The following STK32C variants were observed in gnomAD, a reference collection of about 807,000 sequenced individuals.
The protein encoded by STK32C is serine/threonine-protein kinase 32C.
In STK32C, 31 loss-of-function variants were observed where a neutral mutation model predicts 56.5. The observed-to-expected ratio is 0.55, with a 90% CI of 0.41 to 0.74. STK32C has a LOEUF of 0.74. Among genes scored for constraint, STK32C ranks in the 30% least tolerant of loss-of-function variants. The probability of loss-of-function intolerance (pLI) is 0.00; values close to 1 mark genes in which losing one functional copy is unlikely to be tolerated. For synonymous variants in STK32C, 309 were observed against 289.4 expected, an observed-to-expected ratio of 1.07 and a Z score of -0.69; for missense variants, 544 against 676.9, an observed-to-expected ratio of 0.80 and a Z score of 2.18.
At chr10:132,310,439 G>A (rs1255357378), upstream of STK32C, among the ~76,000 whole-genome samples, 1 of 152,228 alleles carries the variant, frequency 6.6e-6, no homozygotes, top group South Asian at 2.1e-4. This position sits in a 1 kb window ranked among gnomAD's most constrained non-coding sequence, Gnocchi z 4.6. Flanking sequence ...AGCGTTAAGA[G>A]GTGCACAGTG....
intron 1 of STK32C, among the ~76,000 whole-genome samples, chr10:132,265,868 G>A (rs1168181508): frequency 6.6e-6 from 1 of 152,178 alleles, no homozygotes; most frequent in Non-Finnish European, 1.5e-5. Flanking sequence ...GCCTGGCAAG[G>A]ACACCGGGCA....
intron 1 of STK32C, among the ~76,000 whole-genome samples, chr10:132,300,603 T>A (rs1177243636): frequency 6.6e-6 from 1 of 152,282 alleles, no homozygotes; most frequent in African/African-American, 2.4e-5. Context: ...TGCTTATAGC[T>A]TTCCCCAAAC....
intron 2 of STK32C, among the ~76,000 whole-genome samples, chr10:132,230,667 G>C (rs981115628): frequency 7.8e-5 from 11 of 141,506 alleles, no homozygotes; most frequent in South Asian, 4.8e-4. Flanking sequence ...TTGCTGCTGG[G>C]GGGGAAGCTG....
At chr10:132,223,782 G>T (rs541776823) in intron 8 of STK32C, among the ~76,000 whole-genome samples, 1 of 152,178 alleles carries the variant, frequency 6.6e-6, no homozygotes. Flanking sequence ...TCCCTGTCCT[G>T]CCTGGGCCTG....
At chr10:132,271,884 G>A (rs553547442) in intron 1 of STK32C, among the ~76,000 whole-genome samples, 1 of 152,364 alleles carries the variant, frequency 6.6e-6, no homozygotes, top group Non-Finnish European at 1.5e-5. Context: ...TTCCCAGGCA[G>A]CACTGGGGCT....
intron 1 of STK32C, among the ~76,000 whole-genome samples, chr10:132,268,225 G>A (rs1166398262): frequency 2.3e-4 from 25 of 107,632 alleles, no homozygotes; most frequent in South Asian, 7.1e-4. Context: ...GTCCCACATC[G>A]TGTGTGTGTG....
Position 132,307,666 on chromosome 10 carries a change from G to A in STK32C, c.168C>T (p.Arg56=), listed in dbSNP as rs1415967844. ...TCCACTTGCTCCACTGAAACAGGGG[G>A]CGCGGCTGCGAGCGGACATCGCCCG... ...RDSGDVRSQP[R]PLFQWSKWKK... The change falls in exon 1 of 12, where the codon CGC becomes CGT. Residue 56 remains arginine (R), a synonymous_variant. Coordinates refer to ENST00000298630, the MANE Select transcript of STK32C (RefSeq NM_173575.4). The surrounding 1 kb of genome is among the most constrained non-coding windows in gnomAD (Gnocchi z 4.4). 16 of 1,534,760 alleles carry A rather than the reference G, an allele frequency of 1.0e-5. No individual in the cohort carries two copies. The highest frequency in any genetic ancestry group is 6.0e-5 in the Admixed American group (3 of 49,984).
chr10:132,291,838 A>G lies in STK32C; in HGVS notation c.262+15734T>C, dbSNP rs370491633. On this transcript the variant is annotated intron_variant, in intron 1 of 11. Transcript: ENST00000298630. ...GAAGGACACAGACCACATGGCCTCC[A>G]TGTCCACCTGTGTGCACAAGATGGC... Among the ~76,000 whole-genome samples the G allele has an allele frequency of 9.1e-4, 132 of 145,852 alleles. 1 individual carries two copies. Among genetic ancestry groups the G allele is most frequent in the African/African-American group, 3.1e-3 (123 of 39,352 alleles).
upstream of STK32C, among the ~76,000 whole-genome samples, chr10:132,309,506 C>T (rs2066180133): frequency 6.6e-6 from 1 of 152,240 alleles, no homozygotes; most frequent in South Asian, 2.1e-4. Flanking sequence ...CTCTCCCTGC[C>T]TGGCTAGCAC....
chr10:132,315,003 G>A (rs578241098), intron 1 of STK32C, among the ~76,000 whole-genome samples: 11 of 152,066 alleles, frequency 7.2e-5, no homozygotes, highest in South Asian at 2.1e-4. Flanking sequence ...GCGTGGTGGC[G>A]CATGTCTGTA....
intron 10 of STK32C, among the ~76,000 whole-genome samples, chr10:132,210,004 G>T (rs960711689): frequency 5.9e-5 from 9 of 152,172 alleles, no homozygotes; most frequent in Non-Finnish European, 1.3e-4. Flanking sequence ...GAGGGGACGT[G>T]TGAGTGGGTA....
chr10:132,307,603 C>T lies in STK32C; in HGVS notation c.231G>A (p.Ala77=). 6.5e-7 allele frequency: 1 copy of T among 1,528,926 alleles called. No homozygotes were observed. The highest frequency in any genetic ancestry group is 8.8e-7 in the Non-Finnish European group (1 of 1,136,782). The allele number at this position is 1,528,926 out of a possible 1,614,324, so 94.7% of individuals were successfully genotyped here. ...CCTTGTCGTCAAACACCGGCCTCCG[C>T]GCGGTGGCCGCCGACATGGACGAGC... ...RMGSSMSAAT[A]RRPVFDDKED... The change falls in exon 1 of 12, where the codon GCG becomes GCA. Residue 77 remains alanine, a synonymous_variant. Coordinates refer to ENST00000298630, the MANE Select transcript of STK32C (RefSeq NM_173575.4). The surrounding 1 kb of genome is among the most constrained non-coding windows in gnomAD (Gnocchi z 4.4).
chr10:132,260,799 C>A (rs2064277770), intron 1 of STK32C, among the ~76,000 whole-genome samples: 1 of 152,232 alleles, frequency 6.6e-6, no homozygotes, highest in African/African-American at 2.4e-5. Flanking sequence ...AGACAGGGCC[C>A]AGTTAAAGCC....
chr10:132,228,267 G>T, intron 2 of STK32C, 139 bp from the exon 3 acceptor site: 1 of 1,036,184 alleles, frequency 9.7e-7, no homozygotes, highest in Non-Finnish European at 1.5e-6. Flanking sequence ...CAGCCCCTCT[G>T]CCTCCTAGAC....
chr10:132,295,400 G>A (rs531199775), intron 1 of STK32C, among the ~76,000 whole-genome samples: 2 of 152,334 alleles, frequency 1.3e-5, no homozygotes, highest in East Asian at 1.9e-4. Context: ...GAGCAACAAC[G>A]AAAGCACCGA....
intron 1 of STK32C, among the ~76,000 whole-genome samples, chr10:132,304,769 C>T (rs1261504892): frequency 1.3e-5 from 2 of 152,270 alleles, no homozygotes; most frequent in African/African-American, 4.8e-5. Flanking sequence ...CTGGTGGCCC[C>T]TGGTCCTGCC....
intron 1 of STK32C, among the ~76,000 whole-genome samples, chr10:132,293,833 C>G (rs56128110): frequency 0.025 from 3,747 of 152,252 alleles, 161 homozygotes; most frequent in African/African-American, 0.085. Flanking sequence ...GGAAGCCCTA[C>G]CAGAGCTGGG....
At chr10:132,329,082 A>G (rs1466028404) in intron 1 of STK32C, among the ~76,000 whole-genome samples, 1 of 152,268 alleles carries the variant, frequency 6.6e-6, no homozygotes, top group African/African-American at 2.4e-5. Flanking sequence ...AGGGGAGATG[A>G]AAACAATAAA....
chr10:132,286,008 C>T (rs1201161788), intron 1 of STK32C, among the ~76,000 whole-genome samples: 1 of 152,084 alleles, frequency 6.6e-6, no homozygotes, highest in East Asian at 1.9e-4. Flanking sequence ...CGCCTGTCAT[C>T]CCAGCTACTC....
Sources: gnomAD v4.1 joint callset for allele counts (sites outside exome capture counted in the v4.1 genomes callset) on GRCh38, gnomAD v4.1.1 for gene constraint, Gnocchi (gnomAD v3.1) non-coding constraint, MANE v1.5 for transcripts, NCBI Gene and HGNC (gene_info 2026-07-23, HGNC 2026-07-21) for gene names.